The following TAPT1 variants were observed in gnomAD, a reference collection of about 807,000 sequenced individuals.
The protein encoded by TAPT1 is transmembrane anterior posterior transformation protein 1 homolog.
TAPT1 carries 28 observed loss-of-function variants against 65.6 expected under a neutral mutation model. The ratio of observed to expected loss-of-function variants is 0.43; its 90% CI spans 0.32 to 0.59. The LOEUF is 0.59. Among genes scored for constraint, TAPT1 ranks in the 20% least tolerant of loss-of-function variants. The pLI, the probability that TAPT1 is intolerant of heterozygous loss-of-function variation, is 0.09. For missense variants in TAPT1, 563 were observed against 679.9 expected (o/e 0.83, Z 1.91); for synonymous variants, 278 against 245.2 (o/e 1.13, Z -1.25).
At chr4:16,188,006 T>C (rs562454749) in intron 5 of TAPT1, among the ~76,000 whole-genome samples, 1 of 152,206 alleles carries the variant, frequency 6.6e-6, no homozygotes. Context: ...CAGAACTGTT[T>C]TCCAGCAGCT....
chr4:16,173,687 C>T (rs1049238928), intron 11 of TAPT1, among the ~76,000 whole-genome samples: 3 of 152,154 alleles, frequency 2.0e-5, no homozygotes, highest in Non-Finnish European at 4.4e-5. Flanking sequence ...TAACCTATTT[C>T]GTTTGTTTCT....
upstream of TAPT1, chr4:16,226,938 T>C: frequency 2.5e-6 from 1 of 395,178 alleles, no homozygotes; most frequent in Non-Finnish European, 4.9e-6. Flanking sequence ...TTTTGCAGAC[T>C]CGGTGCCCGG....
intron 13 of TAPT1, among the ~76,000 whole-genome samples, chr4:16,166,087 G>A (rs1747594072): frequency 6.6e-6 from 1 of 152,128 alleles, no homozygotes; most frequent in African/African-American, 2.4e-5. Flanking sequence ...GGCTTTTAAT[G>A]TCCTTTGATG....
intron 10 of TAPT1, 115 bp downstream of exon 10, chr4:16,174,555 A>G (rs1311962848): frequency 1.1e-6 from 1 of 894,796 alleles, no homozygotes; most frequent in Non-Finnish European, 1.7e-6. Context: ...AGAGATCAGT[A>G]GGCAGTTTAT....
intron 3 of TAPT1, among the ~76,000 whole-genome samples, chr4:16,191,959 A>T (rs1463058038): frequency 6.6e-6 from 1 of 152,236 alleles, no homozygotes; most frequent in Non-Finnish European, 1.5e-5. Context: ...GATATTCCAT[A>T]TAAGTTCATC....
chr4:16,184,882 G>C (rs1045315904), intron 7 of TAPT1, among the ~76,000 whole-genome samples: 1 of 152,200 alleles, frequency 6.6e-6, no homozygotes, highest in Non-Finnish European at 1.5e-5. Flanking sequence ...TCTATCGTCA[G>C]ATATATGCAT....
At chr4:16,178,631 G>T (rs1418434680) in intron 8 of TAPT1, among the ~76,000 whole-genome samples, 1 of 152,118 alleles carries the variant, frequency 6.6e-6, no homozygotes, top group African/African-American at 2.4e-5. Context: ...AAATGTCGTA[G>T]TATTTTTTAC....
At chr4:16,187,573 T>A (rs1415756433) in intron 5 of TAPT1, among the ~76,000 whole-genome samples, 1 of 152,098 alleles carries the variant, frequency 6.6e-6, no homozygotes, top group Non-Finnish European at 1.5e-5. Context: ...TTAACCCAAT[T>A]TCTTTCAAGT....
At chr4:16,196,778 A>AC in intron 3 of TAPT1, 4 of 953,374 alleles carry the variant, frequency 4.2e-6, no homozygotes, top group Non-Finnish European at 5.9e-6. Context: ...TACGCTACTT[A>AC]GAGCTCCATG....
rs1207128526 is a variant in TAPT1, at chr4:16,189,840, G to T, written c.613-1485C>A. Among the ~76,000 whole-genome samples the T allele has an allele frequency of 2.6e-5, 4 of 152,180 alleles. No homozygotes were observed. In the East Asian group the frequency reaches 7.7e-4, roughly 29 times the overall value. ...CTTGAGAGGGCTTTGTAAGTCAGGG[G>T]ACAGGGAGAAACCCTCGCACTTTCC... On this transcript the variant is annotated intron_variant, in intron 4 of 13. Transcript: ENST00000405303.
intron 12 of TAPT1, among the ~76,000 whole-genome samples, chr4:16,168,384 C>T (rs1747777272): frequency 6.6e-6 from 1 of 152,170 alleles, no homozygotes; most frequent in African/African-American, 2.4e-5. Flanking sequence ...CCTGGGGCTA[C>T]AGGCATGAGC....
chr4:16,208,927 G>A (rs972328310), intron 2 of TAPT1, among the ~76,000 whole-genome samples: 2 of 152,124 alleles, frequency 1.3e-5, no homozygotes, highest in African/African-American at 4.8e-5. Context: ...ACAGTTGCAT[G>A]ATCTTAGCTC....
At chr4:16,207,994 A>C (rs1560182490) in intron 2 of TAPT1, among the ~76,000 whole-genome samples, 1 of 152,248 alleles carries the variant, frequency 6.6e-6, no homozygotes. Context: ...ATTTTAGTTT[A>C]ACCAGATATG....
chr4:16,217,139 G>A (rs1750987067), intron 1 of TAPT1, among the ~76,000 whole-genome samples: 1 of 152,134 alleles, frequency 6.6e-6, no homozygotes, highest in Non-Finnish European at 1.5e-5. Flanking sequence ...ACTTCCCTAA[G>A]TTTCTCAGGC....
intron 8 of TAPT1, chr4:16,179,141 T>A (rs983880329): frequency 6.5e-6 from 1 of 152,938 alleles, no homozygotes; most frequent in African/African-American, 2.4e-5. Context: ...CTAGCCAATT[T>A]TGTCACTGTG....
Position 16,179,553 on chromosome 4 carries a change from A to G in TAPT1, c.997+24T>C, listed in dbSNP as rs1225485097. Reference sequence around the variant, plus strand: ...TGGCTTAGAAGTAAAATTATAAGACACTGTTTTGTTAAGAGTGAGTTACCT... The same window carrying G: ...TGGCTTAGAAGTAAAATTATAAGACGCTGTTTTGTTAAGAGTGAGTTACCT... On this transcript the variant is annotated intron_variant, in intron 8 of 13. Transcript: ENST00000405303. 4 of 1,394,720 alleles carry G rather than the reference A, an allele frequency of 2.9e-6. No individual in the cohort carries two copies. The South Asian group carries it at 5.4e-5, about 19-fold the overall frequency. 86.4% of individuals were successfully genotyped at this position (1,394,720 alleles called of 1,614,324 possible). A position where few individuals can be genotyped will look rare whatever the true frequency, so the allele number is the denominator to read the frequency against.
Position 16,203,976 on chromosome 4 carries a change from CAT to C in TAPT1, c.331-1398_331-1397del, listed in dbSNP as rs1375798564. On this transcript the variant is annotated intron_variant, in intron 2 of 13. Transcript: ENST00000405303. ...CAGTGAAAATACGATGCTAGATTAG[CAT>C]AGAGTCACGTGTGGTAGATTAGCGT... Among the ~76,000 whole-genome samples the C allele has an allele frequency of 2.6e-5, 4 of 152,168 alleles. No homozygotes were observed. In the South Asian group the frequency reaches 6.2e-4, roughly 24 times the overall value.
chr4:16,215,591 G>A (rs763567843), intron 1 of TAPT1, among the ~76,000 whole-genome samples: 18 of 152,164 alleles, frequency 1.2e-4, no homozygotes, highest in Non-Finnish European at 1.9e-4. Context: ...GAAGAAGAAA[G>A]CAGACTTCTT....
intron 3 of TAPT1, among the ~76,000 whole-genome samples, chr4:16,192,284 A>G (rs1040905721): frequency 1.3e-5 from 2 of 152,320 alleles, no homozygotes; most frequent in Admixed American, 1.3e-4. Flanking sequence ...CAACTTTTGG[A>G]TCTTTGCCAG....
Sources: gnomAD v4.1 joint callset for allele counts (sites outside exome capture counted in the v4.1 genomes callset) on GRCh38, gnomAD v4.1.1 for gene constraint, MANE v1.5 for transcripts, NCBI Gene and HGNC (gene_info 2026-07-23, HGNC 2026-07-21) for gene names.